Variants in RAD9B observed in about 807,000 individuals in gnomAD.
RAD9B encodes the protein cell cycle checkpoint control protein RAD9B.
RAD9B carries 41 observed loss-of-function variants against 48.3 expected under a neutral mutation model. That is an observed-to-expected ratio of 0.85 (90% CI 0.66 to 1.10). The LOEUF is 1.10. RAD9B is among the 50% of genes least tolerant of loss of function. The pLI, the probability that RAD9B is intolerant of heterozygous loss-of-function variation, is 0.00. For synonymous variants in RAD9B, 160 were observed against 157.9 expected, an observed-to-expected ratio of 1.01 and a Z score of -0.10; for missense variants, 444 against 485.1, an observed-to-expected ratio of 0.92 and a Z score of 0.80.
At chr12:110,528,916 C>T (rs990271193) in intron 10 of RAD9B, among the ~76,000 whole-genome samples, 1 of 152,008 alleles carries the variant, frequency 6.6e-6, no homozygotes, top group Non-Finnish European at 1.5e-5. Context: ...TTAGTAGAGA[C>T]AGGGTTTCAC....
chr12:110,502,510 C>T, intron 1 of RAD9B, 127 bp downstream of exon 1: 2 of 1,053,676 alleles, frequency 1.9e-6, no homozygotes, highest in Non-Finnish European at 2.8e-6. Context: ...ACGCCCTGGC[C>T]ACAGCCCCAC....
At chr12:110,521,555 CTT>C (rs577675171) in intron 9 of RAD9B, among the ~76,000 whole-genome samples, 37 of 126,532 alleles carry the variant, frequency 2.9e-4, no homozygotes, top group Admixed American at 4.9e-4. Context: ...AAACATAATT[CTT>C]TTTTTTTTTT....
In RAD9B at chr12:110,531,726, CT is replaced by C; in HGVS notation, c.*1078del. ...TGTTCTTTGGCCCTTTAAGAGTTAG[CT>C]TTTTACCTGCACAAATGGACTAAAA... On this transcript the variant is annotated 3_prime_UTR_variant, in exon 11 of 11. Transcript: ENST00000409300. The C allele has an allele frequency of 8.5e-7, 1 of 1,180,938 alleles. No homozygotes were observed. The highest frequency in any genetic ancestry group is 1.2e-6 in the Non-Finnish European group (1 of 830,080). The allele number at this position is 1,180,938 out of a possible 1,614,324, so 73.2% of individuals were successfully genotyped here. A position where few individuals can be genotyped will look rare whatever the true frequency, so the allele number is the denominator to read the frequency against.
In RAD9B at chr12:110,506,665, AGTAGTTATTC is replaced by A; in HGVS notation, c.361_370del (p.Val121AsnfsTer35). ...TATTCACCAGATCTGATAAATGCAA[AGTAGTTATTC>A]AATTCTTCTACAGACATGGTAGGTA... On this transcript the variant is annotated frameshift_variant, in exon 4 of 11. Coordinates refer to ENST00000409300, the MANE Select transcript of RAD9B (RefSeq NM_001286535.2). LOFTEE classifies it high-confidence loss of function. 1 of 1,579,634 alleles carries A rather than the reference AGTAGTTATTC, an allele frequency of 6.3e-7. No individual in the cohort carries two copies. Among genetic ancestry groups the A allele is most frequent in the Non-Finnish European group, 8.7e-7 (1 of 1,149,500 alleles).
At chr12:110,530,089 C>G (rs565126926) in intron 10 of RAD9B, among the ~76,000 whole-genome samples, 1 of 152,166 alleles carries the variant, frequency 6.6e-6, no homozygotes, top group South Asian at 2.1e-4. Context: ...TGTCCCCAGG[C>G]TGTAGTGCAG....
intron 5 of RAD9B, among the ~76,000 whole-genome samples, chr12:110,513,248 G>A (rs575051748): frequency 6.6e-6 from 1 of 151,818 alleles, no homozygotes; most frequent in Admixed American, 6.6e-5. Flanking sequence ...TATTACAGGC[G>A]TGAGCCACCA....
rs1032461644 is a variant in RAD9B, at chr12:110,503,811, G to A, written c.52G>A (p.Gly18Arg). Reference sequence around the variant, plus strand: ...ACCTTTCTTTTTCTCCATAGTATTTGGGAAAGCAGTTCAAGCTCTATCACG... The same window carrying A: ...ACCTTTCTTTTTCTCCATAGTATTTAGGAAAGCAGTTCAAGCTCTATCACG... ...VMSGSQVKVF[G>R]KAVQALSRIS... The change falls in exon 2 of 11, where the codon GGG (glycine) becomes AGG (arginine). Residue 18 changes from glycine to arginine, a missense_variant. Coordinates refer to ENST00000409300, the MANE Select transcript of RAD9B (RefSeq NM_001286535.2). The A allele has an allele frequency of 1.2e-6, 2 of 1,606,734 alleles. No homozygotes were observed. The highest frequency in any genetic ancestry group is 3.4e-5 in the Admixed American group (2 of 59,100).
chr12:110,525,002 T>G (rs181830784), intron 10 of RAD9B, among the ~76,000 whole-genome samples: 9 of 152,326 alleles, frequency 5.9e-5, no homozygotes, highest in Non-Finnish European at 1.2e-4. Flanking sequence ...TTATTTGGTT[T>G]TTTTTAGACG....
intron 9 of RAD9B, among the ~76,000 whole-genome samples, chr12:110,521,883 C>T (rs926626214): frequency 6.6e-5 from 10 of 152,046 alleles, no homozygotes; most frequent in Non-Finnish European, 1.2e-4. Context: ...TGACTGTACA[C>T]AATTTTATCA....
In RAD9B at chr12:110,530,818, T is replaced by C; in HGVS notation, c.*165T>C. On this transcript the variant is annotated 3_prime_UTR_variant, in exon 11 of 11. Transcript: ENST00000409300. The stretch of plus-strand genomic sequence containing the variant: ...CTTGTACAACAACCATATCTAGAAA[T>C]AGCTGTTTGTCAAGTGTATGTAACT... 1 of 1,403,344 alleles carries C rather than the reference T, an allele frequency of 7.1e-7. No homozygotes were observed. Among genetic ancestry groups the C allele is most frequent in the Non-Finnish European group, 9.3e-7 (1 of 1,079,166 alleles). 86.9% of individuals were successfully genotyped at this position (1,403,344 alleles called of 1,614,324 possible).
At chr12:110,519,408 G>GTTT (rs752522588) in intron 8 of RAD9B, among the ~76,000 whole-genome samples, 40 of 140,138 alleles carry the variant, frequency 2.9e-4, no homozygotes, top group Non-Finnish European at 3.4e-4. Flanking sequence ...CCGGCCTACT[G>GTTT]TTTGTTGTTG....
chr12:110,518,843 TTTAAG>T, intron 7 of RAD9B, 26 bp from the exon 8 acceptor site: 1 of 1,579,124 alleles, frequency 6.3e-7, no homozygotes, highest in Non-Finnish European at 8.6e-7. Context: ...TTATAAGGAT[TTTAAG>T]TTTTTTTCTT....
At chr12:110,519,610 A>G (rs1027048717) in intron 8 of RAD9B, among the ~76,000 whole-genome samples, 184 bp from the exon 9 acceptor site, 1 of 150,612 alleles carries the variant, frequency 6.6e-6, no homozygotes, top group Non-Finnish European at 1.5e-5. Context: ...TTTTTTTTGT[A>G]TTTTTAGTAG....
At chr12:110,530,020 T>C (rs938866712) in intron 10 of RAD9B, among the ~76,000 whole-genome samples, 1 of 152,130 alleles carries the variant, frequency 6.6e-6, no homozygotes, top group African/African-American at 2.4e-5. Context: ...GTCATGTGCC[T>C]TTGAAGGCAG....
At chr12:110,519,417 TG>T (rs56048117) in intron 8 of RAD9B, among the ~76,000 whole-genome samples, 7 of 119,244 alleles carry the variant, frequency 5.9e-5, no homozygotes, top group African/African-American at 2.6e-4. Flanking sequence ...TGTTTGTTGT[TG>T]TTGTTGTTGT....
intron 10 of RAD9B, among the ~76,000 whole-genome samples, chr12:110,524,585 T>A (rs894690601): frequency 6.6e-6 from 1 of 150,828 alleles, no homozygotes; most frequent in East Asian, 2.0e-4. Context: ...TTATTGTTGT[T>A]ACTTATCACT....
chr12:110,516,586 C>T lies in RAD9B; in HGVS notation c.595+1430C>T, dbSNP rs1169519793. Among the ~76,000 whole-genome samples, 3 of 151,692 alleles carry T rather than the reference C, an allele frequency of 2.0e-5. No individual in the cohort carries two copies. In the East Asian group the frequency reaches 5.9e-4, roughly 30 times the overall value. On this transcript the variant is annotated intron_variant, in intron 6 of 10. Transcript: ENST00000409300. Reference sequence around the variant, plus strand: ...CAGCACTTTGGGAGGCTGAGGCAGGCGGATCATGAGGTCAGAAGATCGAGA... The same window carrying T: ...CAGCACTTTGGGAGGCTGAGGCAGGTGGATCATGAGGTCAGAAGATCGAGA...
At chr12:110,514,724 G>C (rs1441571003) in intron 5 of RAD9B, among the ~76,000 whole-genome samples, 1 of 152,144 alleles carries the variant, frequency 6.6e-6, no homozygotes, top group Non-Finnish European at 1.5e-5. Context: ...TTTACAGTAT[G>C]ATCTAGGGCA....
At chr12:110,515,781 A>G (rs766730944) in intron 6 of RAD9B, among the ~76,000 whole-genome samples, 3 of 152,200 alleles carry the variant, frequency 2.0e-5, no homozygotes, top group Non-Finnish European at 2.9e-5. Context: ...GGAAAGAACT[A>G]TTATTTTAAA....
Sources: gnomAD v4.1 joint callset for allele counts (sites outside exome capture counted in the v4.1 genomes callset) on GRCh38, gnomAD v4.1.1 for gene constraint, MANE v1.5 for transcripts, NCBI Gene and HGNC (gene_info 2026-07-23, HGNC 2026-07-21) for gene names.